SRD5A2: variants seen among roughly 807,000 people sequenced by gnomAD.
SRD5A2 encodes steroid 5 alpha-reductase 2, also known as 3-oxo-5-alpha-steroid 4-dehydrogenase 2.
In SRD5A2, 30 loss-of-function variants were observed where a neutral mutation model predicts 27.4. The observed-to-expected ratio is 1.10, with a 90% CI of 0.82 to 1.49. The LOEUF is 1.49. Among genes scored for constraint, SRD5A2 ranks in the 40% most tolerant of loss-of-function variants. The pLI is 0.00. For missense variants in SRD5A2, 348 were observed against 323.4 expected (o/e 1.08, Z -0.58); for synonymous variants, 141 against 133.6 (o/e 1.06, Z -0.38).
chr2:31,552,360 G>A (rs1197080024), intron 1 of SRD5A2, among the ~76,000 whole-genome samples: 1 of 151,836 alleles, frequency 6.6e-6, no homozygotes, highest in Non-Finnish European at 1.5e-5. Context: ...CATTAGGAGG[G>A]GAAGAGAAGT....
At chr2:31,641,557 A>C in the SRD5A2 span, among the ~76,000 whole-genome samples, 4 of 152,160 alleles carry the variant, frequency 2.6e-5, no homozygotes, top group Non-Finnish European at 5.9e-5. Context: ...ATCTCTTATA[A>C]AAATCTTCAA....
At chr2:31,607,969 T>C in the SRD5A2 span, among the ~76,000 whole-genome samples, 1 of 151,876 alleles carries the variant, frequency 6.6e-6, no homozygotes, top group Non-Finnish European at 1.5e-5. Context: ...AACGGTACAA[T>C]GAGAAGACAG....
At chr2:31,612,625 T>C in the SRD5A2 span, among the ~76,000 whole-genome samples, 2 of 152,198 alleles carry the variant, frequency 1.3e-5, no homozygotes, top group African/African-American at 2.4e-5. Context: ...GCAATTTGTA[T>C]TGGAATTCCA....
At chr2:31,637,335 G>A in the SRD5A2 span, among the ~76,000 whole-genome samples, 2 of 151,924 alleles carry the variant, frequency 1.3e-5, no homozygotes, top group Admixed American at 6.6e-5. Flanking sequence ...AGATCAGCAG[G>A]GTTTGTCTTC....
the SRD5A2 span, among the ~76,000 whole-genome samples, chr2:31,626,827 G>T: frequency 2.6e-5 from 4 of 151,134 alleles, no homozygotes; most frequent in Non-Finnish European, 4.4e-5. Flanking sequence ...ATTTTTTTTT[G>T]ACGTGTTTCT....
chr2:31,653,298 G>A, the SRD5A2 span, among the ~76,000 whole-genome samples: 1 of 152,090 alleles, frequency 6.6e-6, no homozygotes, highest in Admixed American at 6.6e-5. Flanking sequence ...TGAGGTACAA[G>A]TACCAGCCAA....
the SRD5A2 span, among the ~76,000 whole-genome samples, chr2:31,627,830 G>A: frequency 6.6e-6 from 1 of 152,080 alleles, no homozygotes; most frequent in East Asian, 1.9e-4. Flanking sequence ...GTAGTCCAAA[G>A]AATATGGTAA....
upstream of SRD5A2, among the ~76,000 whole-genome samples, chr2:31,585,896 A>T (rs567330137): frequency 6.6e-6 from 1 of 152,254 alleles, no homozygotes; most frequent in South Asian, 2.1e-4. Context: ...TCTGCCTTAA[A>T]TGAATACCTG....
chr2:31,525,899 G>A lies in SRD5A2; in HGVS notation c.*297C>T, dbSNP rs1010979671. On this transcript the variant is annotated 3_prime_UTR_variant, in exon 5 of 5. Coordinates refer to ENST00000622030, the MANE Select transcript of SRD5A2 (RefSeq NM_000348.4). Reference sequence around the variant, plus strand: ...GAAGCCACATGTACTTGGATTGCCCGGTGAAAGACATAGGAGAAGTTTGTA... The same window carrying A: ...GAAGCCACATGTACTTGGATTGCCCAGTGAAAGACATAGGAGAAGTTTGTA... 6 of 319,766 alleles carry A rather than the reference G, an allele frequency of 1.9e-5. No individual in the cohort carries two copies. The highest frequency in any genetic ancestry group is 2.3e-5 in the Non-Finnish European group (4 of 172,420). The allele number at this position is 319,766 out of a possible 1,614,324, so 19.8% of individuals were successfully genotyped here.
chr2:31,636,240 T>C, the SRD5A2 span, among the ~76,000 whole-genome samples: 7 of 152,180 alleles, frequency 4.6e-5, no homozygotes, highest in East Asian at 9.6e-4. Flanking sequence ...TGTTCTTATA[T>C]AGATCTTTCA....
the SRD5A2 span, among the ~76,000 whole-genome samples, chr2:31,624,086 T>G: frequency 6.6e-6 from 1 of 152,024 alleles, no homozygotes; most frequent in Non-Finnish European, 1.5e-5. Context: ...CTGTTTTTGT[T>G]TTTAATTTTT....
the SRD5A2 span, among the ~76,000 whole-genome samples, chr2:31,632,271 C>T: frequency 1.1e-4 from 17 of 152,294 alleles, no homozygotes; most frequent in East Asian, 3.3e-3. Flanking sequence ...GGCCCTCAGG[C>T]AAGTGGACTT....
chr2:31,623,184 G>A, the SRD5A2 span, among the ~76,000 whole-genome samples: 1 of 152,132 alleles, frequency 6.6e-6, no homozygotes, highest in Non-Finnish European at 1.5e-5. Context: ...AGGTGCTGTT[G>A]ATGTTGCAAA....
At chr2:31,557,659 C>T (rs956376791) in intron 1 of SRD5A2, among the ~76,000 whole-genome samples, 6 of 152,108 alleles carry the variant, frequency 3.9e-5, no homozygotes, top group African/African-American at 1.4e-4. Flanking sequence ...ATCCACATCC[C>T]CAGAACCCAT....
At chr2:31,539,704 T>A (rs1666093348) in intron 1 of SRD5A2, among the ~76,000 whole-genome samples, 1 of 152,146 alleles carries the variant, frequency 6.6e-6, no homozygotes, top group African/African-American at 2.4e-5. Context: ...ATTCACCGTT[T>A]CCCAGTGACA....
At chr2:31,636,228 G>A in the SRD5A2 span, among the ~76,000 whole-genome samples, 2 of 151,876 alleles carry the variant, frequency 1.3e-5, no homozygotes, top group Admixed American at 1.3e-4. Context: ...GAGTTTTACA[G>A]TTGTTCTTAT....
intron 1 of SRD5A2, among the ~76,000 whole-genome samples, chr2:31,534,142 A>G (rs1296451221): frequency 6.6e-6 from 1 of 152,218 alleles, no homozygotes; most frequent in Non-Finnish European, 1.5e-5. Context: ...AGAACTAAAT[A>G]AAAATAATTT....
At chr2:31,534,032 T>A (rs796368395) in intron 1 of SRD5A2, among the ~76,000 whole-genome samples, 125 of 152,224 alleles carry the variant, frequency 8.2e-4, no homozygotes, top group African/African-American at 2.9e-3. Flanking sequence ...ACATGTACCA[T>A]GCAAAGTGGA....
chr2:31,627,431 G>GA, the SRD5A2 span, among the ~76,000 whole-genome samples: 1 of 136,960 alleles, frequency 7.3e-6, no homozygotes, highest in South Asian at 2.3e-4. Flanking sequence ...CTTTTGTACG[G>GA]GGGTGTGTGT....
Sources: allele counts gnomAD v4.1 joint callset (sites outside exome capture counted in the v4.1 genomes callset), GRCh38; gene constraint gnomAD v4.1.1; transcripts MANE v1.5; gene names NCBI Gene and HGNC (gene_info 2026-07-23, HGNC 2026-07-21).